KIAA1671: variants seen among roughly 807,000 people sequenced by gnomAD.
KIAA1671 encodes uncharacterized protein KIAA1671.
KIAA1671 carries 52 observed loss-of-function variants against 131.2 expected under a neutral mutation model. The observed-to-expected ratio is 0.40, with a 90% CI of 0.32 to 0.50. The LOEUF is 0.50. Ranked by LOEUF, KIAA1671 falls within the 20% of genes least tolerant of loss-of-function variation. KIAA1671 has a pLI of 0.73. For synonymous variants in KIAA1671, 1,003 were observed against 961.6 expected, an observed-to-expected ratio of 1.04 and a Z score of -0.80; for missense variants, 2,360 against 2,364.2, an observed-to-expected ratio of 1.00 and a Z score of 0.04.
At chr22:24,962,511 G>A (rs1006389935) in intron 1 of KIAA1671, among the ~76,000 whole-genome samples, 2 of 152,104 alleles carry the variant, frequency 1.3e-5, no homozygotes, top group Non-Finnish European at 2.9e-5. Context: ...CAGCTCCACC[G>A]CTTACCAGCT....
chr22:25,166,909 C>T (rs1933665493), intron 6 of KIAA1671, among the ~76,000 whole-genome samples: 2 of 152,186 alleles, frequency 1.3e-5, no homozygotes, highest in Non-Finnish European at 2.9e-5. Context: ...ATCCACCTTG[C>T]AGCCTCGGGA....
chr22:25,190,762 T>G lies in KIAA1671; in HGVS notation c.5403T>G (p.Leu1801=). The change falls in exon 12 of 13, where the codon CTT becomes CTG. Residue 1801 remains leucine, a synonymous_variant. Coordinates refer to ENST00000358431, the MANE Select transcript of KIAA1671 (RefSeq NM_001145206.2). The stretch of plus-strand genomic sequence containing the variant: ...TGAAATCCAAGAAGAGGCAAAGTCT[T>G]TATGAGAACCAAGTTTGACCAGGTA... ...KELKSKKRQS[L]YENQV The G allele has an allele frequency of 6.4e-7, 1 of 1,551,548 alleles. No homozygotes were observed. The highest frequency in any genetic ancestry group is 8.7e-7 in the Non-Finnish European group (1 of 1,146,722).
rs930115086 is a variant in KIAA1671, at chr22:25,195,379, G to A, written c.*2978G>A. 8 of 152,156 alleles carry A rather than the reference G, an allele frequency of 5.3e-5. No individual in the cohort carries two copies. The highest frequency in any genetic ancestry group is 1.9e-4 in the East Asian group (1 of 5,198). The allele number at this position is 152,156 out of a possible 1,614,324, so 9.4% of individuals were successfully genotyped here. ...TTGTGGAGGATTACTCCATGCCACCGGAGAAACTCTGGTGAAAGAGAAACC... is the reference window on the plus strand; with the variant it reads ...TTGTGGAGGATTACTCCATGCCACCAGAGAAACTCTGGTGAAAGAGAAACC... On this transcript the variant is annotated 3_prime_UTR_variant, in exon 13 of 13. Coordinates refer to ENST00000358431, the MANE Select transcript of KIAA1671 (RefSeq NM_001145206.2).
chr22:24,981,519 T>A (rs563148069), intron 1 of KIAA1671, among the ~76,000 whole-genome samples: 1 of 152,212 alleles, frequency 6.6e-6, no homozygotes, highest in Non-Finnish European at 1.5e-5. Flanking sequence ...CAGGAGAAAC[T>A]CCCTGGGGAG....
At chr22:25,027,834 C>T (rs1284806514) in intron 2 of KIAA1671, 111 bp from the exon 3 acceptor site, 24 of 582,226 alleles carry the variant, frequency 4.1e-5, no homozygotes, top group East Asian at 3.0e-4. Flanking sequence ...AGAGGGCTGT[C>T]GTATGGAATC....
chr22:25,043,636 G>C (rs1927063558), intron 5 of KIAA1671, among the ~76,000 whole-genome samples: 1 of 152,168 alleles, frequency 6.6e-6, no homozygotes, highest in African/African-American at 2.4e-5. Context: ...GGGGTGCAGA[G>C]GGAGGCACTG....
In KIAA1671 at chr22:25,041,098, G is replaced by C; in HGVS notation, c.3968G>C (p.Gly1323Ala). 6.5e-7 allele frequency: 1 copy of C among 1,544,928 alleles called. No individual in the cohort carries two copies. Among genetic ancestry groups the C allele is most frequent in the South Asian group, 1.2e-5 (1 of 83,320 alleles). ...PIPADPRKKT[G>A]FAEDDRKAFA... ...CCTGCGGATCCCAGGAAAAAAACGG[G>C]GTTTGCTGAGGATGACAGAAAGGCC... Residue 1323 changes from glycine to alanine, a missense_variant, in exon 5 of 13, where the codon GGG becomes GCG. Transcript: ENST00000358431.
chr22:25,009,253 CTTTTT>C (rs35147267), intron 1 of KIAA1671, among the ~76,000 whole-genome samples: 3 of 62,794 alleles, frequency 4.8e-5, no homozygotes, highest in East Asian at 6.9e-4. Context: ...CCCTTCCCCA[CTTTTT>C]TTTTTTTTTT....
At chr22:25,121,300 A>C (rs1162115027) in intron 6 of KIAA1671, among the ~76,000 whole-genome samples, 1 of 152,164 alleles carries the variant, frequency 6.6e-6, no homozygotes, top group Admixed American at 6.5e-5. Flanking sequence ...ATCTCTACTA[A>C]AAATACAAAA....
At chr22:24,978,461 C>T (rs755806257) in intron 1 of KIAA1671, among the ~76,000 whole-genome samples, 2 of 152,048 alleles carry the variant, frequency 1.3e-5, no homozygotes, top group African/African-American at 2.4e-5. Flanking sequence ...AAAATGGACT[C>T]GTACACCAGG....
Position 25,040,951 on chromosome 22 carries a change from C to T in KIAA1671, c.3821C>T (p.Pro1274Leu), listed in dbSNP as rs922192589. The T allele has an allele frequency of 1.4e-6, 2 of 1,478,074 alleles. No individual in the cohort carries two copies. Among genetic ancestry groups the T allele is most frequent in the Admixed American group, 5.1e-5 (2 of 38,970 alleles). 91.6% of individuals were successfully genotyped at this position (1,478,074 alleles called of 1,614,324 possible). The change falls in exon 5 of 13, where the codon CCT becomes CTT. Residue 1274 changes from proline to leucine, a missense_variant. This residue lies in a region of KIAA1671 where 1,161 missense variants were observed against 1,204.7 expected (regional missense o/e 0.96). Coordinates refer to ENST00000358431, the MANE Select transcript of KIAA1671 (RefSeq NM_001145206.2). ...GCCGAAATAAATCACAGTTTCACTCCTGGCTTAGGCAAGCAGCTGGCAGAG... is the reference window on the plus strand; with the variant it reads ...GCCGAAATAAATCACAGTTTCACTCTTGGCTTAGGCAAGCAGCTGGCAGAG... ...SSAEINHSFT[P>L]GLGKQLAETL...
chr22:24,959,082 G>C (rs1921878455), intron 1 of KIAA1671, among the ~76,000 whole-genome samples: 1 of 151,894 alleles, frequency 6.6e-6, no homozygotes, highest in South Asian at 2.1e-4. Context: ...AGCATTGCTT[G>C]AGCTCAGGAG....
chr22:24,999,425 CTCA>C (rs1924315384), intron 1 of KIAA1671, among the ~76,000 whole-genome samples: 1 of 151,600 alleles, frequency 6.6e-6, no homozygotes, highest in African/African-American at 2.4e-5. Flanking sequence ...AAGACAGGGT[CTCA>C]TCATATGGTT....
chr22:25,165,753 C>T (rs916528537), intron 6 of KIAA1671, among the ~76,000 whole-genome samples: 3 of 152,150 alleles, frequency 2.0e-5, no homozygotes, highest in Non-Finnish European at 2.9e-5. Context: ...TCTGGGAAGG[C>T]TTCCTGGCCA....
intron 6 of KIAA1671, among the ~76,000 whole-genome samples, chr22:25,075,778 CT>C (rs59244604): frequency 0.37 from 48,651 of 132,328 alleles, 9,148 homozygotes; most frequent in African/African-American, 0.54. Context: ...CAGTGCGCAT[CT>C]TTTTTTTTTT....
chr22:25,176,520 G>A (rs775048818), intron 8 of KIAA1671: 3 of 152,228 alleles, frequency 2.0e-5, no homozygotes, highest in Non-Finnish European at 4.4e-5. Flanking sequence ...AGCCACTGTA[G>A]GAAGGAGGCA....
At chr22:25,188,447 G>GGTGTGTGTGTGTGTGTGT (rs59590267) in intron 11 of KIAA1671, among the ~76,000 whole-genome samples, 34 of 137,966 alleles carry the variant, frequency 2.5e-4, no homozygotes, top group Admixed American at 1.7e-3. Flanking sequence ...GAGCCAATCG[G>GGTGTGTGTGTGTGTGTGT]GTGTGTGTGT....
At position 25,041,181 on chromosome 22, in the gene KIAA1671, T is replaced by C. The variant is rs1602091134; in HGVS notation, c.4051T>C (p.Ser1351Pro). ...CQNYLAESKP[S>P]GREDPGSGVR... Reference sequence around the variant, plus strand: ...GAATTACCTGGCTGAGTCAAAGCCCTCTGGTCGGGAGGATCCAGGCAGTGG... The same window carrying C: ...GAATTACCTGGCTGAGTCAAAGCCCCCTGGTCGGGAGGATCCAGGCAGTGG... Residue 1351 changes from serine to proline, a missense_variant, in exon 5 of 13, where the codon TCT becomes CCT. Physicochemically the swap from Ser to Pro is moderately conservative, Grantham distance 74. This residue lies in a region of KIAA1671 where 1,161 missense variants were observed against 1,204.7 expected (regional missense o/e 0.96). Coordinates refer to ENST00000358431, the MANE Select transcript of KIAA1671 (RefSeq NM_001145206.2). The C allele has an allele frequency of 6.4e-7, 1 of 1,551,772 alleles. No individual in the cohort carries two copies. The highest frequency in any genetic ancestry group is 8.7e-7 in the Non-Finnish European group (1 of 1,146,994).
At chr22:25,188,387 T>C (rs1161883922) in intron 11 of KIAA1671, among the ~76,000 whole-genome samples, 1 of 152,108 alleles carries the variant, frequency 6.6e-6, no homozygotes, top group African/African-American at 2.4e-5. Context: ...CAGCTCTGTA[T>C]GCTGTATGTC....
Sources: allele counts gnomAD v4.1 joint callset (sites outside exome capture counted in the v4.1 genomes callset), GRCh38; gene constraint gnomAD v4.1.1; regional missense constraint gnomAD v4.1.1; transcripts MANE v1.5; gene names NCBI Gene and HGNC (gene_info 2026-07-23, HGNC 2026-07-21).